DPP6: variants seen among roughly 807,000 people sequenced by gnomAD.
DPP6 encodes the protein dipeptidyl peptidase like 6.
A neutral mutation model predicts 122.6 loss-of-function variants in DPP6; 69 were observed. The ratio of observed to expected loss-of-function variants is 0.56; its 90% CI spans 0.46 to 0.69. The LOEUF (loss-of-function observed/expected upper bound fraction) is 0.69, where lower values mean the gene tolerates loss of function less well. Ranked by LOEUF, DPP6 falls within the 30% of genes least tolerant of loss-of-function variation. DPP6 has a pLI of 0.00. For synonymous variants in DPP6, 418 were observed against 433.1 expected (o/e 0.97, Z 0.43); for missense variants, 928 against 1,116.9 (o/e 0.83, Z 2.41).
rs751510554 is a variant in DPP6 at position 154,587,709 on chromosome 7, A to G, written c.627+20793A>G. Reference sequence around the variant, plus strand: ...CTCATTCAAAATCATGTGACTCATTAGCAGTAAGTCAAGCCTGTAGCCCAG... The same window carrying G: ...CTCATTCAAAATCATGTGACTCATTGGCAGTAAGTCAAGCCTGTAGCCCAG... On this transcript the variant is annotated intron_variant, in intron 5 of 25. Transcript: ENST00000377770. 10 of 1,553,096 alleles carry G rather than the reference A, an allele frequency of 6.4e-6. No individual in the cohort carries two copies. In the East Asian group the frequency reaches 2.2e-4, roughly 34 times the overall value.
chr7:154,463,702 G>A (rs1821533121), intron 2 of DPP6, among the ~76,000 whole-genome samples: 1 of 152,036 alleles, frequency 6.6e-6, no homozygotes, highest in Admixed American at 6.6e-5. Flanking sequence ...CTGCCAGATT[G>A]GGTTTTTCCA....
intron 16 of DPP6, among the ~76,000 whole-genome samples, chr7:154,810,475 C>T (rs371691459): frequency 7.9e-5 from 12 of 152,248 alleles, no homozygotes; most frequent in East Asian, 1.9e-4. Flanking sequence ...GGCTCCTGTG[C>T]GGATTTCTAG....
chr7:154,405,642 G>T (rs539911505), intron 1 of DPP6, among the ~76,000 whole-genome samples: 1 of 152,224 alleles, frequency 6.6e-6, no homozygotes, highest in South Asian at 2.1e-4. Flanking sequence ...ACAGGGCCAG[G>T]CAGTGTGAGG....
chr7:153,843,049 T>C, the DPP6 span, among the ~76,000 whole-genome samples: 1,216 of 151,182 alleles, frequency 8.0e-3, 8 homozygotes, highest in Admixed American at 0.011. Context: ...CATACACACA[T>C]GAGTGCATAC....
At chr7:154,246,346 C>G (rs1395363993) in intron 1 of DPP6, among the ~76,000 whole-genome samples, 3 of 151,592 alleles carry the variant, frequency 2.0e-5, no homozygotes, top group Non-Finnish European at 2.9e-5. Flanking sequence ...AAAAGAAATA[C>G]AAAACCTCTA....
chr7:154,597,077 C>T (rs1282453228), intron 5 of DPP6, among the ~76,000 whole-genome samples: 2 of 151,992 alleles, frequency 1.3e-5, no homozygotes, highest in South Asian at 2.1e-4. Flanking sequence ...TACAAAAAAA[C>T]CTCAGGGCAG....
At chr7:154,579,758 C>T (rs1048568504) in intron 5 of DPP6, among the ~76,000 whole-genome samples, 9 of 152,150 alleles carry the variant, frequency 5.9e-5, no homozygotes, top group African/African-American at 2.2e-4. Flanking sequence ...TACCTGTGTC[C>T]TCACAGGTAA....
intron 5 of DPP6, chr7:154,588,622 G>A (rs1200496005): frequency 6.6e-6 from 1 of 152,188 alleles, no homozygotes; most frequent in Admixed American, 6.5e-5. Flanking sequence ...GATTCTCCCT[G>A]GAAACCAAAT....
intron 1 of DPP6, among the ~76,000 whole-genome samples, chr7:154,151,137 T>C (rs1350171419): frequency 1.3e-5 from 2 of 152,206 alleles, no homozygotes; most frequent in Admixed American, 1.3e-4. Flanking sequence ...CAGAACCCGA[T>C]GTGGTTTTCA....
intron 1 of DPP6, among the ~76,000 whole-genome samples, chr7:154,258,151 G>C (rs1256148298): frequency 1.3e-5 from 2 of 149,626 alleles, no homozygotes; most frequent in Non-Finnish European, 3.0e-5. Flanking sequence ...GAGGGGAGGC[G>C]AGGGGAGGGG....
At chr7:154,304,508 C>G (rs571060783) in intron 1 of DPP6, among the ~76,000 whole-genome samples, 29 of 152,266 alleles carry the variant, frequency 1.9e-4, no homozygotes, top group African/African-American at 6.3e-4. Flanking sequence ...TCTCCTTGAG[C>G]TCAGGACACA....
chr7:154,015,272 T>C (rs1798348409), intron 1 of DPP6, among the ~76,000 whole-genome samples: 1 of 152,132 alleles, frequency 6.6e-6, no homozygotes, highest in Non-Finnish European at 1.5e-5. Flanking sequence ...TTTTTCCATG[T>C]CCTCGACCGG....
At chr7:153,769,317 A>G in the DPP6 span, among the ~76,000 whole-genome samples, 2 of 152,178 alleles carry the variant, frequency 1.3e-5, no homozygotes, top group African/African-American at 4.8e-5. Flanking sequence ...ATATGCATAC[A>G]TTGTGAAATA....
chr7:154,121,860 T>C (rs963702251), intron 1 of DPP6, among the ~76,000 whole-genome samples: 1 of 151,922 alleles, frequency 6.6e-6, no homozygotes, highest in Admixed American at 6.6e-5. Flanking sequence ...AAAATTCTTT[T>C]TTTTCTTTTT....
At chr7:154,314,877 G>C (rs549464790) in intron 1 of DPP6, among the ~76,000 whole-genome samples, 1 of 152,290 alleles carries the variant, frequency 6.6e-6, no homozygotes, top group Admixed American at 6.5e-5. Context: ...AATATGAATG[G>C]GTTAACAAAT....
intron 1 of DPP6, among the ~76,000 whole-genome samples, chr7:154,293,973 C>T (rs972124940): frequency 2.6e-5 from 4 of 152,110 alleles, no homozygotes; most frequent in East Asian, 1.9e-4. Flanking sequence ...CTAGCCATGA[C>T]GAGAGCCAGT....
intron 1 of DPP6, among the ~76,000 whole-genome samples, chr7:153,918,565 A>ACACACACT (rs1563006095): frequency 1.7e-5 from 1 of 57,614 alleles, no homozygotes; most frequent in Non-Finnish European, 3.2e-5. Context: ...ACACACACAC[A>ACACACACT]GTCTCTCTCT....
chr7:154,436,952 A>G (rs1460616935), intron 1 of DPP6, among the ~76,000 whole-genome samples: 1 of 152,180 alleles, frequency 6.6e-6, no homozygotes, highest in Non-Finnish European at 1.5e-5. Flanking sequence ...TTAAAATTAT[A>G]TTTGTGAGGT....
intron 1 of DPP6, among the ~76,000 whole-genome samples, chr7:154,062,719 C>A (rs1802177840): frequency 1.5e-5 from 1 of 67,920 alleles, no homozygotes; most frequent in Non-Finnish European, 2.6e-5. Flanking sequence ...GTTGGTACCC[C>A]CATCGTAGGG....
Sources: gnomAD v4.1 joint callset for allele counts (sites outside exome capture counted in the v4.1 genomes callset) on GRCh38, gnomAD v4.1.1 for gene constraint, MANE v1.5 for transcripts, NCBI Gene and HGNC (gene_info 2026-07-23, HGNC 2026-07-21) for gene names.